The following PSD3 variants were observed in gnomAD, a reference collection of about 807,000 sequenced individuals.
PSD3 encodes PH and SEC7 domain-containing protein 3.
In PSD3, 49 loss-of-function variants were observed where a neutral mutation model predicts 105.5. That is an observed-to-expected ratio of 0.46 (90% CI 0.37 to 0.59). PSD3 has a LOEUF of 0.59. PSD3 is among the 20% of genes least tolerant of loss of function. PSD3 has a pLI of 0.00. For synonymous variants in PSD3, 557 were observed against 457.8 expected (o/e 1.22, Z -2.77); for missense variants, 1,561 against 1,263.8 (o/e 1.24, Z -3.57).
chr8:18,852,538 C>A (rs900252071), intron 4 of PSD3, among the ~76,000 whole-genome samples: 2 of 152,178 alleles, frequency 1.3e-5, no homozygotes, highest in Non-Finnish European at 2.9e-5. Flanking sequence ...AACTGACATG[C>A]CCTCCACACT....
intron 4 of PSD3, among the ~76,000 whole-genome samples, chr8:18,831,026 T>C (rs1813638740): frequency 6.6e-6 from 1 of 152,214 alleles, no homozygotes; most frequent in South Asian, 2.1e-4. Context: ...ACTTAGAGGT[T>C]AAAAGCAAGG....
intron 6 of PSD3, among the ~76,000 whole-genome samples, chr8:18,804,180 AC>A (rs1810985635): frequency 6.6e-6 from 1 of 152,154 alleles, no homozygotes; most frequent in Admixed American, 6.5e-5. Flanking sequence ...AACGTCCCAA[AC>A]CCAAAAATAA....
chr8:19,009,031 C>T (rs7010821), intron 1 of PSD3, among the ~76,000 whole-genome samples: 14,009 of 152,234 alleles, frequency 0.092, 694 homozygotes, highest in African/African-American at 0.12. Context: ...AATTAAAATA[C>T]ATTCCATTTT....
At chr8:18,969,120 A>C (rs979386791) in intron 1 of PSD3, among the ~76,000 whole-genome samples, 1 of 152,192 alleles carries the variant, frequency 6.6e-6, no homozygotes, top group Non-Finnish European at 1.5e-5. Context: ...ATATTAACTT[A>C]ATAAACATTT....
intron 12 of PSD3, among the ~76,000 whole-genome samples, chr8:18,596,734 G>A (rs1296688718): frequency 6.7e-6 from 1 of 149,684 alleles, no homozygotes; most frequent in Non-Finnish European, 1.5e-5. Context: ...AGAAGAAAGG[G>A]ATAAATTACT....
intron 2 of PSD3, among the ~76,000 whole-genome samples, chr8:18,901,844 T>C (rs1209424461): frequency 6.6e-6 from 1 of 152,178 alleles, no homozygotes; most frequent in Non-Finnish European, 1.5e-5. Context: ...TCTTTGACTA[T>C]GTATCAGCCC....
At chr8:18,545,733 T>G (rs993831351) in intron 15 of PSD3, among the ~76,000 whole-genome samples, 3 of 152,234 alleles carry the variant, frequency 2.0e-5, no homozygotes, top group Non-Finnish European at 4.4e-5. Context: ...CTTTTCCTTC[T>G]GATTGTACTG....
chr8:18,967,667 T>C (rs1824363457), intron 1 of PSD3, among the ~76,000 whole-genome samples: 1 of 152,124 alleles, frequency 6.6e-6, no homozygotes, highest in South Asian at 2.1e-4. Context: ...ACCAGAAAAT[T>C]AGAAAATCAA....
At chr8:18,940,935 G>A (rs761325443) in intron 1 of PSD3, among the ~76,000 whole-genome samples, 1 of 152,132 alleles carries the variant, frequency 6.6e-6, no homozygotes, top group Non-Finnish European at 1.5e-5. Flanking sequence ...AGCTCCACCT[G>A]CACTGGGGGG....
At chr8:18,777,409 C>G (rs1265438768) in intron 8 of PSD3, among the ~76,000 whole-genome samples, 1 of 152,166 alleles carries the variant, frequency 6.6e-6, no homozygotes, top group African/African-American at 2.4e-5. Flanking sequence ...TTCTTAAAAT[C>G]TGAACTTCAC....
intron 4 of PSD3, among the ~76,000 whole-genome samples, chr8:18,845,071 G>A (rs912202314): frequency 3.3e-5 from 5 of 152,160 alleles, no homozygotes; most frequent in Admixed American, 2.6e-4. Flanking sequence ...ATTTTAACTT[G>A]AGGATAAGTA....
intron 11 of PSD3, among the ~76,000 whole-genome samples, chr8:18,623,458 A>C (rs1478938460): frequency 1.3e-5 from 2 of 149,394 alleles, no homozygotes; most frequent in East Asian, 2.0e-4. Context: ...CAAAAAAAAA[A>C]AAAAAAAAAA....
intron 4 of PSD3, among the ~76,000 whole-genome samples, chr8:18,857,323 G>A (rs1448119676): frequency 1.3e-5 from 2 of 152,194 alleles, no homozygotes; most frequent in African/African-American, 4.8e-5. Context: ...ACCTGGGAAT[G>A]TGTTAAAATG....
At chr8:18,681,278 T>G (rs560351006) in intron 9 of PSD3, among the ~76,000 whole-genome samples, 1 of 151,148 alleles carries the variant, frequency 6.6e-6, no homozygotes, top group Non-Finnish European at 1.5e-5. Context: ...GATGAAAGAG[T>G]CAGATAATCA....
chr8:18,651,772 G>A (rs541550346), intron 10 of PSD3, among the ~76,000 whole-genome samples: 1 of 152,196 alleles, frequency 6.6e-6, no homozygotes, highest in Non-Finnish European at 1.5e-5. Context: ...GCTGGACTGT[G>A]AAGGATGATA....
At chr8:18,718,594 A>G (rs773741395) in intron 9 of PSD3, among the ~76,000 whole-genome samples, 2 of 152,258 alleles carry the variant, frequency 1.3e-5, no homozygotes, top group Non-Finnish European at 2.9e-5. Flanking sequence ...AATCAGAAGA[A>G]TATTAACAAA....
intron 3 of PSD3, among the ~76,000 whole-genome samples, chr8:18,869,655 A>G (rs964683729): frequency 1.3e-5 from 2 of 152,178 alleles, no homozygotes; most frequent in Non-Finnish European, 2.9e-5. Flanking sequence ...TCTGGCTGGC[A>G]AACTCTTTCC....
chr8:18,918,146 C>G (rs952665912), intron 2 of PSD3, among the ~76,000 whole-genome samples: 3 of 152,198 alleles, frequency 2.0e-5, no homozygotes, highest in Non-Finnish European at 4.4e-5. Flanking sequence ...CATTCATAAC[C>G]TAGTCCCTGC....
At position 18,804,896 on chromosome 8, in the gene PSD3, T is replaced by A. The variant is rs1811065753; in HGVS notation, c.1637A>T (p.Asn546Ile). 2 of 1,590,162 alleles carry A rather than the reference T, an allele frequency of 1.3e-6. No homozygotes were observed. ...TAGCCGTGTTGTTTTCACCCCAGCA[T>A]TGCTATGATAATTGATAAAGAGAGA... Reference protein sequence around the residue: ...GTPEIAFWGSNAGVKTTRLEA... With the variant: ...GTPEIAFWGSIAGVKTTRLEA... The change falls in exon 5 of 16, where the codon AAT becomes ATT. Residue 546 changes from asparagine (N) to isoleucine (I), a missense_variant and splice_region_variant. By Grantham distance (149) the Asn-to-Ile change is moderately radical. Coordinates refer to ENST00000327040, the MANE Select transcript of PSD3 (RefSeq NM_015310.4).
Sources: gnomAD v4.1 joint callset for allele counts (sites outside exome capture counted in the v4.1 genomes callset) on GRCh38, gnomAD v4.1.1 for gene constraint, MANE v1.5 for transcripts, NCBI Gene and HGNC (gene_info 2026-07-23, HGNC 2026-07-21) for gene names.